The following MIAT variants were observed in gnomAD, a reference collection of about 807,000 sequenced individuals.
MIAT encodes the protein myocardial infarction associated transcript, also known as MI related novel mRNA.
intron 2 of MIAT, chr22:26,657,698 C>T (rs1569218870): frequency 5.0e-6 from 2 of 398,706 alleles, no homozygotes; most frequent in East Asian, 7.1e-5. Context: ...CCCAAGTGTC[C>T]TTGTCCCCTA....
chr22:26,669,932 T>G, downstream of MIAT: 1 of 398,726 alleles, frequency 2.5e-6, no homozygotes, highest in Non-Finnish European at 4.4e-6. Flanking sequence ...ATGGAAGGAA[T>G]GTGCTTGCCT....
chr22:26,651,200 G>A (rs959478283), intron 2 of MIAT, among the ~76,000 whole-genome samples: 1 of 152,232 alleles, frequency 6.6e-6, no homozygotes, highest in South Asian at 2.1e-4. Flanking sequence ...AACTCAGGGA[G>A]CCCCATGCTC....
chr22:26,669,656 C>G (rs1930974047), downstream of MIAT: 1 of 398,682 alleles, frequency 2.5e-6, no homozygotes, highest in African/African-American at 2.1e-5. Flanking sequence ...GTGGTCACCG[C>G]AAACATGGAA....
chr22:26,650,972 G>A (rs1195989823), intron 2 of MIAT, among the ~76,000 whole-genome samples: 1 of 152,082 alleles, frequency 6.6e-6, no homozygotes, highest in Non-Finnish European at 1.5e-5. Context: ...TTCCTTAGAG[G>A]GTGCTAAGAC....
downstream of MIAT, chr22:26,671,082 G>A (rs4280): frequency 1.3e-5 from 5 of 398,212 alleles, no homozygotes; most frequent in African/African-American, 6.2e-5. Context: ...GGAGAGATGC[G>A]GGTGTGCGTG....
chr22:26,667,415 T>TGTGTGCGC (rs1930891885), intron 5 of MIAT: 4 of 132,750 alleles, frequency 3.0e-5, no homozygotes, highest in Admixed American at 1.2e-4. Context: ...TGTGCGCGTG[T>TGTGTGCGC]ATGTGTGTGT....
intron 2 of MIAT, among the ~76,000 whole-genome samples, chr22:26,659,663 C>A (rs370324217): frequency 6.6e-6 from 1 of 151,688 alleles, no homozygotes; most frequent in Non-Finnish European, 1.5e-5. Context: ...CATGGTGAGA[C>A]CCCTGTCTCT....
At chr22:26,673,026 A>G (rs977991831), downstream of MIAT, 4 of 398,504 alleles carry the variant, frequency 1.0e-5, no homozygotes, top group Admixed American at 1.8e-4. Flanking sequence ...GTCCTTGGGA[A>G]AGATCCGTCC....
intron 3 of MIAT, among the ~76,000 whole-genome samples, chr22:26,664,328 A>G (rs1324092706): frequency 1.3e-5 from 2 of 152,086 alleles, no homozygotes; most frequent in African/African-American, 4.8e-5. Context: ...TTCCTGTTGC[A>G]TGTCTCAGTA....
In MIAT at chr22:26,649,303, C is replaced by G. The variant is rs183200090; in HGVS notation, n.646+1992C>G. 9.2e-5 allele frequency among the ~76,000 whole-genome samples: 14 copies of G among 152,288 alleles called. No homozygotes were observed. The East Asian group carries it at 2.7e-3, about 29-fold the overall frequency. On this transcript the variant is annotated intron_variant and non_coding_transcript_variant, in intron 2 of 5. Transcript: ENST00000643270. ...ATTTAGTTCTGTCTGACTCCTGAGT[C>G]CATGTATTCACTGCCCGCCCTGGCT...
exon 1 of MIAT, chr22:26,646,521 T>A (rs1285978040): frequency 2.5e-6 from 1 of 398,836 alleles, no homozygotes; most frequent in Non-Finnish European, 4.4e-6. Flanking sequence ...GAAGGTGTCG[T>A]GGGACAGGGT....
Position 26,648,523 on chromosome 22 carries a change from A to C in MIAT, n.646+1212A>C, listed in dbSNP as rs192492690. On this transcript the variant is annotated intron_variant and non_coding_transcript_variant, in intron 2 of 5. Transcript: ENST00000643270. ...TAAAATACAGATGCTGGGGGAAACC[A>C]GTGGTCCCTGGACTTTCATAGTTTG... Among the ~76,000 whole-genome samples, 323 of 149,022 alleles carry C rather than the reference A, an allele frequency of 2.2e-3. 3 individuals are homozygous for C. The South Asian group carries it at 0.031, about 15-fold the overall frequency.
At chr22:26,673,469 C>T (rs1252859089), downstream of MIAT, 2 of 398,750 alleles carry the variant, frequency 5.0e-6, no homozygotes, top group Non-Finnish European at 4.4e-6. Flanking sequence ...CTGGCCTGGC[C>T]CTGACCGGTT....
At chr22:26,650,215 C>T (rs1156603949) in intron 2 of MIAT, 7 of 152,108 alleles carry the variant, frequency 4.6e-5, no homozygotes, top group Admixed American at 6.5e-5. Context: ...GAGAGACACC[C>T]GGGTTGTGTG....
intron 2 of MIAT, among the ~76,000 whole-genome samples, chr22:26,647,952 C>A (rs756942233): frequency 1.3e-4 from 20 of 152,074 alleles, no homozygotes; most frequent in Non-Finnish European, 2.8e-4. Context: ...TGTAAAGTCT[C>A]CTGCAGAGCT....
intron 2 of MIAT, among the ~76,000 whole-genome samples, chr22:26,661,157 C>T (rs1783160172): frequency 6.6e-6 from 1 of 152,294 alleles, no homozygotes; most frequent in South Asian, 2.1e-4. Flanking sequence ...GGCATTGGGT[C>T]CATTGTGCAG....
chr22:26,668,149 C>T, intron 5 of MIAT: 1 of 398,638 alleles, frequency 2.5e-6, no homozygotes, highest in Non-Finnish European at 4.4e-6. Context: ...TCGCTGTCTT[C>T]TCCCCCAGGT....
downstream of MIAT, chr22:26,670,722 A>G (rs953454918): frequency 7.5e-6 from 3 of 397,924 alleles, no homozygotes; most frequent in African/African-American, 4.1e-5. Flanking sequence ...ACTCAGGGAC[A>G]GGGCATAGGA....
chr22:26,670,633 T>A, downstream of MIAT: 1 of 378,844 alleles, frequency 2.6e-6, no homozygotes, highest in Non-Finnish European at 4.5e-6. Flanking sequence ...AAAAGCAGGT[T>A]CTAATTCAAA....
Sources: gnomAD v4.1 joint callset for allele counts (sites outside exome capture counted in the v4.1 genomes callset) on GRCh38, gnomAD v4.1.1 for gene constraint, MANE v1.5 for transcripts, NCBI Gene and HGNC (gene_info 2026-07-23, HGNC 2026-07-21) for gene names.